The following TIAM1 variants were observed in gnomAD, a reference collection of about 807,000 sequenced individuals.
TIAM1 encodes TIAM Rac1 associated GEF 1, also known as rho guanine nucleotide exchange factor TIAM1.
TIAM1 carries 65 observed loss-of-function variants against 163.5 expected under a neutral mutation model. That is an observed-to-expected ratio of 0.40 (90% CI 0.33 to 0.49). The LOEUF (loss-of-function observed/expected upper bound fraction) is 0.49, where lower values mean the gene tolerates loss of function less well. Ranked by LOEUF, TIAM1 falls within the 20% of genes least tolerant of loss-of-function variation. The probability of loss-of-function intolerance (pLI) is 0.77; values close to 1 mark genes in which losing one functional copy is unlikely to be tolerated. For missense variants in TIAM1, 1,789 were observed against 2,044.7 expected (o/e 0.87, Z 2.41); for synonymous variants, 833 against 810.1 (o/e 1.03, Z -0.48).
chr21:31,398,764 T>A (rs1429754867), intron 2 of TIAM1, among the ~76,000 whole-genome samples: 1 of 152,278 alleles, frequency 6.6e-6, no homozygotes, highest in Non-Finnish European at 1.5e-5. Context: ...TGGAGAACGA[T>A]TTAGTGTGAT....
chr21:31,357,414 T>C (rs12483233), intron 2 of TIAM1, among the ~76,000 whole-genome samples: 2 of 152,122 alleles, frequency 1.3e-5, no homozygotes. Context: ...CTATATATAT[T>C]CTCTGGTGAT....
At chr21:31,365,387 CTTTT>C (rs772457613) in intron 2 of TIAM1, among the ~76,000 whole-genome samples, 5 of 128,826 alleles carry the variant, frequency 3.9e-5, no homozygotes, top group African/African-American at 2.9e-5. Flanking sequence ...TTATTTCTTT[CTTTT>C]TTTTTTTTTT....
chr21:31,123,219 G>C (rs367636950), intron 27 of TIAM1, among the ~76,000 whole-genome samples: 8 of 152,290 alleles, frequency 5.3e-5, no homozygotes, highest in African/African-American at 1.9e-4. Flanking sequence ...TAGGTTCATT[G>C]ATTAACAACT....
intron 16 of TIAM1, among the ~76,000 whole-genome samples, chr21:31,157,257 C>T (rs944512942): frequency 2.6e-5 from 4 of 152,096 alleles, no homozygotes; most frequent in African/African-American, 9.7e-5. Context: ...ACTATTTACC[C>T]AGCTTTTGGT....
chr21:31,359,398 T>G (rs2076366481), intron 2 of TIAM1, among the ~76,000 whole-genome samples: 1 of 152,146 alleles, frequency 6.6e-6, no homozygotes, highest in Non-Finnish European at 1.5e-5. Context: ...ATTTGTTGAG[T>G]GAACAAATAG....
At chr21:31,180,595 C>T (rs970913507) in intron 15 of TIAM1, among the ~76,000 whole-genome samples, 1 of 152,032 alleles carries the variant, frequency 6.6e-6, no homozygotes, top group Non-Finnish European at 1.5e-5. Flanking sequence ...GTTGAGTACA[C>T]ACTGTTGCTT....
intron 6 of TIAM1, among the ~76,000 whole-genome samples, chr21:31,244,683 C>A (rs2071400205): frequency 6.6e-6 from 1 of 152,212 alleles, no homozygotes; most frequent in South Asian, 2.1e-4. Context: ...TGAGATCGTG[C>A]CACTGCACTT....
At chr21:31,330,155 T>A (rs1247460772) in intron 2 of TIAM1, among the ~76,000 whole-genome samples, 2 of 152,172 alleles carry the variant, frequency 1.3e-5, no homozygotes, top group African/African-American at 2.4e-5. Context: ...ACAGAGTAGT[T>A]TCACCACCCT....
At chr21:31,298,813 A>T (rs2074393698) in intron 2 of TIAM1, among the ~76,000 whole-genome samples, 1 of 151,702 alleles carries the variant, frequency 6.6e-6, no homozygotes. Context: ...AGAGAGAGAG[A>T]GAGAGAGAGA....
chr21:31,320,133 A>G (rs1305464390), intron 2 of TIAM1, among the ~76,000 whole-genome samples: 1 of 152,196 alleles, frequency 6.6e-6, no homozygotes, highest in Admixed American at 6.5e-5. Flanking sequence ...AAAGATACAT[A>G]TATATATCAT....
In TIAM1 at chr21:31,119,347, A is replaced by T. The variant is rs1270261580; in HGVS notation, c.*1021T>A. 6.6e-6 allele frequency: 1 copy of T among 152,446 alleles called. No individual in the cohort carries two copies. Among genetic ancestry groups the T allele is most frequent in the East Asian group, 1.9e-4 (1 of 5,188 alleles). 9.4% of individuals were successfully genotyped at this position (152,446 alleles called of 1,614,324 possible). A position where few individuals can be genotyped will look rare whatever the true frequency, so the allele number is the denominator to read the frequency against. ...AATTTTGATGGAAAAACCAATGATC[A>T]CCATGGCAACCCCATGAGAAGGAGG... On this transcript the variant is annotated 3_prime_UTR_variant, in exon 28 of 28. Transcript: ENST00000541036.
chr21:31,327,325 T>C (rs1316293869), intron 2 of TIAM1, among the ~76,000 whole-genome samples: 1 of 152,186 alleles, frequency 6.6e-6, no homozygotes, highest in Non-Finnish European at 1.5e-5. Context: ...AAAAAGTCCC[T>C]TTCTTCATCT....
At position 31,331,337 on chromosome 21, in the gene TIAM1, A is replaced by G. The variant is rs541560693; in HGVS notation, c.-189+7906T>C. ...TAGGCATCTCAAGGCAGATAGGTTC[A>G]TCCTTTGGAAAAGGGGAGCTCACCA... On this transcript the variant is annotated intron_variant, in intron 2 of 27. Transcript: ENST00000541036. 4.6e-5 allele frequency among the ~76,000 whole-genome samples: 7 copies of G among 152,328 alleles called. No homozygotes were observed. In the South Asian group the frequency reaches 1.2e-3, roughly 27 times the overall value.
At position 31,221,213 on chromosome 21, in the gene TIAM1, G is replaced by GGA. The variant is rs1171284283; in HGVS notation, c.1995+2192_1995+2193insTC. ...CCCGGGATCTTCCACAGGAGCTAAA[G>GGA]CAACAAATAGGAACAGACACCCAAC... On this transcript the variant is annotated intron_variant, in intron 8 of 27. Transcript: ENST00000541036. 2.0e-5 allele frequency among the ~76,000 whole-genome samples: 3 copies of GGA among 152,198 alleles called. No individual in the cohort carries two copies. The Middle Eastern group carries it at 9.6e-3, about 485-fold the overall frequency.
intron 2 of TIAM1, among the ~76,000 whole-genome samples, chr21:31,296,256 A>G (rs945493162): frequency 2.0e-5 from 3 of 152,172 alleles, no homozygotes; most frequent in African/African-American, 7.2e-5. Flanking sequence ...ATATACTTTT[A>G]CCCTAAAATC....
chr21:31,203,114 TTTGTTGTTGTTG>T, intron 11 of TIAM1, 102 bp from the exon 12 acceptor site: 1 of 967,312 alleles, frequency 1.0e-6, no homozygotes, highest in Non-Finnish European at 1.6e-6. Flanking sequence ...ACCAATAGAG[TTTGTTGTTGTTG>T]TTGTTGTTGT....
intron 2 of TIAM1, among the ~76,000 whole-genome samples, chr21:31,298,920 C>A (rs2074398966): frequency 6.6e-6 from 1 of 152,058 alleles, no homozygotes; most frequent in African/African-American, 2.4e-5. Flanking sequence ...ACAAATGAGT[C>A]AGAGAAAGAA....
chr21:31,540,385 C>CA (rs77493008), intron 1 of TIAM1, among the ~76,000 whole-genome samples: 1,775 of 62,116 alleles, frequency 0.029, 27 homozygotes, highest in African/African-American at 0.086. Context: ...TACTCCATCT[C>CA]AAAAAAAAAA....
At chr21:31,239,971 G>GTA (rs2071081287) in intron 6 of TIAM1, among the ~76,000 whole-genome samples, 1 of 152,098 alleles carries the variant, frequency 6.6e-6, no homozygotes, top group Non-Finnish European at 1.5e-5. Context: ...CCACTCCTAG[G>GTA]TATATATGTT....
Sources: allele counts gnomAD v4.1 joint callset (sites outside exome capture counted in the v4.1 genomes callset), GRCh38; gene constraint gnomAD v4.1.1; transcripts MANE v1.5; gene names NCBI Gene and HGNC (gene_info 2026-07-23, HGNC 2026-07-21).